Variants in CFAP57 observed in about 807,000 individuals in gnomAD.
The protein encoded by CFAP57 is cilia- and flagella-associated protein 57.
A neutral mutation model predicts 146.8 loss-of-function variants in CFAP57; 116 were observed. The ratio of observed to expected loss-of-function variants is 0.79; its 90% confidence interval spans 0.68 to 0.92. The LOEUF (loss-of-function observed/expected upper bound fraction) is 0.92, where lower values mean the gene tolerates loss of function less well. CFAP57 is among the 40% of genes least tolerant of loss of function. The pLI, the probability that CFAP57 is intolerant of heterozygous loss-of-function variation, is 0.00. For synonymous variants in CFAP57, 518 were observed against 552.8 expected (o/e 0.94, Z 0.88); for missense variants, 1,377 against 1,527.2 (o/e 0.90, Z 1.64).
In CFAP57 at chr1:43,181,659, C is replaced by T. The variant is rs375761680; in HGVS notation, c.283C>T (p.Arg95Trp). The change falls in exon 3 of 23, where the codon CGG (arginine) becomes TGG (tryptophan). Residue 95 changes from arginine to tryptophan, a missense_variant. Coordinates refer to ENST00000372492, the MANE Select transcript of CFAP57 (RefSeq NM_001378189.1). ...TIYELSSIPC[R>W]KRKVLNNFDF... Reference sequence around the variant, plus strand: ...TTATGAATTGTCATCCATCCCTTGCCGGAAGCGCAAAGTTCTTAATAATTT... The same window carrying T: ...TTATGAATTGTCATCCATCCCTTGCTGGAAGCGCAAAGTTCTTAATAATTT... 3.5e-5 allele frequency: 56 copies of T among 1,614,068 alleles called. 1 individual carries two copies. The South Asian group carries it at 3.8e-4, about 11-fold the overall frequency.
intron 12 of CFAP57, among the ~76,000 whole-genome samples, chr1:43,218,416 A>G (rs539810027): frequency 9.9e-5 from 15 of 152,220 alleles, no homozygotes; most frequent in African/African-American, 3.6e-4. Flanking sequence ...CCTGGGCAAC[A>G]TAGTGAGATC....
intron 12 of CFAP57, among the ~76,000 whole-genome samples, 163 bp downstream of exon 12, chr1:43,215,579 C>G (rs552660871): frequency 3.9e-5 from 6 of 152,200 alleles, no homozygotes; most frequent in Non-Finnish European, 8.8e-5. Context: ...AAGCTCTCCT[C>G]CTCATTGCCA....
chr1:43,241,185 G>T (rs1299007690), intron 21 of CFAP57, among the ~76,000 whole-genome samples: 2 of 152,182 alleles, frequency 1.3e-5, no homozygotes, highest in Non-Finnish European at 2.9e-5. Context: ...AATAGAACAA[G>T]CACTCATTAC....
chr1:43,239,898 G>A (rs747782103), intron 21 of CFAP57, among the ~76,000 whole-genome samples: 8 of 152,032 alleles, frequency 5.3e-5, no homozygotes, highest in Non-Finnish European at 8.8e-5. Flanking sequence ...CATCTTATTC[G>A]GTTTGGTATC....
At chr1:43,195,754 A>T (rs866351221) in intron 6 of CFAP57, among the ~76,000 whole-genome samples, 4 of 152,202 alleles carry the variant, frequency 2.6e-5, no homozygotes, top group Admixed American at 6.5e-5. Context: ...ACAGAAAGAG[A>T]TCTGAAGCAC....
intron 2 of CFAP57, among the ~76,000 whole-genome samples, chr1:43,179,458 C>G (rs1645302486): frequency 6.6e-6 from 1 of 152,174 alleles, no homozygotes; most frequent in Non-Finnish European, 1.5e-5. Flanking sequence ...AATGAATGAG[C>G]AAGAATGGCC....
At chr1:43,252,177 A>C (rs1646340861) in intron 22 of CFAP57, among the ~76,000 whole-genome samples, 1 of 152,204 alleles carries the variant, frequency 6.6e-6, no homozygotes, top group Non-Finnish European at 1.5e-5. Context: ...AAAAACAAAG[A>C]AAAGAAAAGA....
intron 18 of CFAP57, among the ~76,000 whole-genome samples, chr1:43,228,960 G>A (rs1645362589): frequency 1.3e-5 from 2 of 148,824 alleles, no homozygotes; most frequent in Non-Finnish European, 3.0e-5. Flanking sequence ...AATCCCATTT[G>A]TGAGGGCTCT....
Position 43,249,493 on chromosome 1 carries a change from G to A in CFAP57, c.3539-4484G>A, listed in dbSNP as rs190020544. Among the ~76,000 whole-genome samples the A allele has an allele frequency of 1.9e-3, 251 of 130,852 alleles. 3 individuals are homozygous for A. The highest frequency in any genetic ancestry group is 0.019 in the Admixed American group (229 of 11,994). 85.8% of individuals were successfully genotyped at this position (130,852 alleles called of 152,430 possible). ...CACCCAGGCTGGAGTGCAGTGGCGC[G>A]ATCTCGGCTCACTGCAACCTCTGCC... On this transcript the variant is annotated intron_variant, in intron 22 of 22. Coordinates refer to ENST00000372492, the MANE Select transcript of CFAP57 (RefSeq NM_001378189.1).
At chr1:43,216,036 A>G (rs149731406) in intron 12 of CFAP57, among the ~76,000 whole-genome samples, 3 of 152,350 alleles carry the variant, frequency 2.0e-5, no homozygotes, top group African/African-American at 7.2e-5. Flanking sequence ...TTGCAGAGAT[A>G]TGAGTGCATA....
intron 2 of CFAP57, among the ~76,000 whole-genome samples, chr1:43,177,432 T>G (rs1645215689): frequency 6.6e-6 from 1 of 152,054 alleles, no homozygotes; most frequent in South Asian, 2.1e-4. Flanking sequence ...CTGTTAAGAT[T>G]GATGTGCCTG....
intron 7 of CFAP57, 61 bp from the exon 8 acceptor site, chr1:43,198,420 T>C (rs1255646700): frequency 3.2e-6 from 5 of 1,542,780 alleles, no homozygotes; most frequent in Non-Finnish European, 4.5e-6. Flanking sequence ...TCAGATACAG[T>C]AGATGACTGG....
intron 22 of CFAP57, among the ~76,000 whole-genome samples, chr1:43,248,575 C>T (rs1646205908): frequency 6.6e-6 from 1 of 151,974 alleles, no homozygotes; most frequent in East Asian, 1.9e-4. Flanking sequence ...CTGCCTCAGC[C>T]TCCCAAAGTG....
At chr1:43,240,322 T>C (rs1438640342) in intron 21 of CFAP57, among the ~76,000 whole-genome samples, 1 of 152,234 alleles carries the variant, frequency 6.6e-6, no homozygotes, top group Non-Finnish European at 1.5e-5. Context: ...TTTCTGGCTC[T>C]TCACCTACTG....
chr1:43,221,488 CGTTGG>C, intron 14 of CFAP57, 23 bp downstream of exon 14: 1 of 1,468,610 alleles, frequency 6.8e-7, no homozygotes. Flanking sequence ...GTAGAGGCCT[CGTTGG>C]TTAGGGTTGG....
rs571702451 is a variant in CFAP57 at position 43,220,514 on chromosome 1, C to T, written c.2248-858C>T. On this transcript the variant is annotated intron_variant, in intron 13 of 22. Coordinates refer to ENST00000372492, the MANE Select transcript of CFAP57 (RefSeq NM_001378189.1). ...CCTAGGCAGGAGGATCGCTTGTATC[C>T]GAGAGCTTGAGACCAGCATGGGCAA... Among the ~76,000 whole-genome samples the T allele has an allele frequency of 5.9e-5, 9 of 152,248 alleles. No individual in the cohort carries two copies. In the South Asian group the frequency reaches 1.2e-3, roughly 21 times the overall value.
At chr1:43,226,247 G>C (rs1389701795) in intron 17 of CFAP57, among the ~76,000 whole-genome samples, 1 of 152,158 alleles carries the variant, frequency 6.6e-6, no homozygotes, top group East Asian at 1.9e-4. Context: ...ATCTGGACAG[G>C]GTACAAAAGG....
At chr1:43,245,166 G>A (rs956986842) in intron 22 of CFAP57, among the ~76,000 whole-genome samples, 5 of 151,834 alleles carry the variant, frequency 3.3e-5, no homozygotes, top group Admixed American at 1.3e-4. Flanking sequence ...AAAATCAGCC[G>A]GGCATGATGG....
At chr1:43,250,749 G>T (rs111535431) in intron 22 of CFAP57, among the ~76,000 whole-genome samples, 25 of 152,260 alleles carry the variant, frequency 1.6e-4, no homozygotes, top group Non-Finnish European at 3.1e-4. Context: ...CCCAAATTGA[G>T]AGGAGCTGAT....
Sources: gnomAD v4.1 joint callset for allele counts (sites outside exome capture counted in the v4.1 genomes callset) on GRCh38, gnomAD v4.1.1 for gene constraint, MANE v1.5 for transcripts, NCBI Gene and HGNC (gene_info 2026-07-23, HGNC 2026-07-21) for gene names.